The following RNF19B variants were observed in gnomAD, a reference collection of about 807,000 sequenced individuals.
The protein encoded by RNF19B is ring finger protein 19B, also known as E3 ubiquitin-protein ligase RNF19B.
In RNF19B, 23 loss-of-function variants were observed where a neutral mutation model predicts 65.5. The ratio of observed to expected loss-of-function variants is 0.35; its 90% CI spans 0.25 to 0.50. The LOEUF is 0.50. Among genes scored for constraint, RNF19B ranks in the 20% least tolerant of loss-of-function variants. RNF19B has a pLI of 0.98. For missense variants in RNF19B, 794 were observed against 980.0 expected (o/e 0.81, Z 2.53); for synonymous variants, 372 against 379.6 (o/e 0.98, Z 0.23).
chr1:32,952,392 T>C (rs1026039787), intron 1 of RNF19B, among the ~76,000 whole-genome samples: 3 of 140,738 alleles, frequency 2.1e-5, no homozygotes, highest in African/African-American at 8.2e-5. Context: ...CCAGCATTTT[T>C]AGACCAGCCT....
intron 1 of RNF19B, among the ~76,000 whole-genome samples, chr1:32,958,718 TAA>T (rs746169988): frequency 2.4e-4 from 32 of 132,372 alleles, no homozygotes; most frequent in South Asian, 7.1e-4. Flanking sequence ...AGACTCCATC[TAA>T]AAAAAAAAAA....
chr1:32,943,795 T>C (rs1374249596), intron 6 of RNF19B, among the ~76,000 whole-genome samples: 1 of 152,164 alleles, frequency 6.6e-6, no homozygotes, highest in African/African-American at 2.4e-5. Context: ...TTGGAGTTAC[T>C]TGGATTCCTA....
downstream of RNF19B, among the ~76,000 whole-genome samples, chr1:32,936,187 G>A (rs1392644979): frequency 6.6e-6 from 1 of 152,088 alleles, no homozygotes; most frequent in Non-Finnish European, 1.5e-5. Context: ...GGCAAACAAA[G>A]TTAGTTTTAA....
chr1:32,938,165 A>G (rs1642151231), intron 8 of RNF19B: 3 of 419,324 alleles, frequency 7.2e-6, no homozygotes, highest in Non-Finnish European at 8.5e-6. Flanking sequence ...AAAAAAGAAA[A>G]AATACATAAA....
At chr1:32,932,025 T>A (rs568341204), downstream of RNF19B, among the ~76,000 whole-genome samples, 2 of 152,330 alleles carry the variant, frequency 1.3e-5, no homozygotes, top group African/African-American at 4.8e-5. Context: ...CCAAATACTA[T>A]ATTAGCCAGG....
At chr1:32,930,637 G>A in the RNF19B span, among the ~76,000 whole-genome samples, 9 of 152,054 alleles carry the variant, frequency 5.9e-5, no homozygotes, top group Non-Finnish European at 1.2e-4. Flanking sequence ...CAAACTCCTG[G>A]CCTCAAGCAG....
chr1:32,938,369 TCTC>T, intron 8 of RNF19B, 25 bp downstream of exon 8: 3 of 1,613,808 alleles, frequency 1.9e-6, no homozygotes, highest in Non-Finnish European at 1.7e-6. Flanking sequence ...AAATGCAACC[TCTC>T]CTGGACATCT....
chr1:32,937,349 T>C lies in RNF19B; in HGVS notation c.1743-90A>G, dbSNP rs146714360. On this transcript the variant is annotated intron_variant, in intron 8 of 8. Coordinates refer to ENST00000235150, the MANE Select transcript of RNF19B (RefSeq NM_001300826.2). Reference sequence around the variant, plus strand: ...AGTTCATGGGTTCAGGATTAGGAATTTCAAAAAGATAGGTGAACAGTTAAC... The same window carrying C: ...AGTTCATGGGTTCAGGATTAGGAATCTCAAAAAGATAGGTGAACAGTTAAC... 638 of 1,593,678 alleles carry C rather than the reference T, an allele frequency of 4.0e-4. 3 individuals are homozygous for C. The African/African-American group carries it at 6.3e-3, about 16-fold the overall frequency.
In RNF19B at chr1:32,949,891, G is replaced by A. The variant is rs563704308; in HGVS notation, c.636-117C>T. 1.5e-4 allele frequency: 107 copies of A among 728,282 alleles called. 1 individual carries two copies. Among genetic ancestry groups the A allele is most frequent in the South Asian group, 1.0e-3 (62 of 59,828 alleles). The allele number at this position is 728,282 out of a possible 1,614,324, so 45.1% of individuals were successfully genotyped here. A position where few individuals can be genotyped will look rare whatever the true frequency, so the allele number is the denominator to read the frequency against. ...ACCCCACTATCACATATGATACAGAGAAAAGAATACACATACACACATATA... is the reference window on the plus strand; with the variant it reads ...ACCCCACTATCACATATGATACAGAAAAAAGAATACACATACACACATATA... On this transcript the variant is annotated intron_variant, in intron 1 of 8. Coordinates refer to ENST00000235150, the MANE Select transcript of RNF19B (RefSeq NM_001300826.2).
At chr1:32,938,140 C>CAAAAAAAAAAAAA (rs80176999) in intron 8 of RNF19B, among the ~76,000 whole-genome samples, 69 of 46,018 alleles carry the variant, frequency 1.5e-3, no homozygotes, top group African/African-American at 3.0e-3. Context: ...CCAAGAAAGA[C>CAAAAAAAAAAAAA]AAAAAAAAAA....
At chr1:32,959,303 T>C (rs1642715199) in intron 1 of RNF19B, among the ~76,000 whole-genome samples, 1 of 152,194 alleles carries the variant, frequency 6.6e-6, no homozygotes, top group Non-Finnish European at 1.5e-5. Context: ...TATTCATCTG[T>C]ACAGAAGATC....
chr1:32,937,144 T>C lies in RNF19B; in HGVS notation c.1858A>G (p.Asn620Asp). ...SLHVHAQMAE[N>D]EEEGSGGGGS... The stretch of plus-strand genomic sequence containing the variant: ...CCGCCACCACTACCTTCTTCTTCAT[T>C]CTCTGCCATCTGAGCATGAACATGG... The change falls in exon 9 of 9, where the codon AAT becomes GAT. Residue 620 changes from asparagine to aspartate, a missense_variant. Physicochemically the swap from Asn to Asp is conservative, Grantham distance 23. This residue lies in a region of RNF19B where 368 missense variants were observed against 447.3 expected (regional missense o/e 0.82). Transcript: ENST00000235150. The C allele has an allele frequency of 1.9e-6, 3 of 1,614,124 alleles. No individual in the cohort carries two copies. The highest frequency in any genetic ancestry group is 2.5e-6 in the Non-Finnish European group (3 of 1,180,022).
chr1:32,930,867 C>A, the RNF19B span, among the ~76,000 whole-genome samples: 2 of 152,164 alleles, frequency 1.3e-5, no homozygotes, highest in Non-Finnish European at 2.9e-5. Flanking sequence ...GTGGGCAGAT[C>A]ACTTGAGGTC....
At chr1:32,929,110 C>G in the RNF19B span, among the ~76,000 whole-genome samples, 1 of 152,156 alleles carries the variant, frequency 6.6e-6, no homozygotes, top group Non-Finnish European at 1.5e-5. Flanking sequence ...GAATTGGTTC[C>G]TTCCGCGGGC....
chr1:32,952,596 G>C (rs1409948488), intron 1 of RNF19B, among the ~76,000 whole-genome samples: 4 of 149,974 alleles, frequency 2.7e-5, no homozygotes, highest in Non-Finnish European at 6.0e-5. Flanking sequence ...CAAAAAATTA[G>C]CTGGGCATGG....
At chr1:32,962,374 A>C (rs771395591) in intron 1 of RNF19B, among the ~76,000 whole-genome samples, 31 of 152,238 alleles carry the variant, frequency 2.0e-4, no homozygotes, top group Non-Finnish European at 4.0e-4. Flanking sequence ...AGACATAGAC[A>C]GTTCCATGAA....
At chr1:32,939,047 T>C (rs1642173162) in intron 7 of RNF19B, among the ~76,000 whole-genome samples, 1 of 152,246 alleles carries the variant, frequency 6.6e-6, no homozygotes, top group Non-Finnish European at 1.5e-5. Flanking sequence ...GCACATGCTA[T>C]TCTGTCTCTC....
At position 32,942,248 on chromosome 1, in the gene RNF19B, T is replaced by A. The variant is rs1398051010; in HGVS notation, c.1610+4A>T. ...TTTCTGTCAGAAATTATCTATTTGT[T>A]TACCTGCTATATTTTCCCTTGCCAC... On this transcript the variant is annotated splice_donor_region_variant and intron_variant, in intron 7 of 8. Transcript: ENST00000235150. The A allele has an allele frequency of 6.3e-7, 1 of 1,598,124 alleles. No individual in the cohort carries two copies.
At chr1:32,960,767 C>T (rs1341857183) in intron 1 of RNF19B, among the ~76,000 whole-genome samples, 1 of 151,958 alleles carries the variant, frequency 6.6e-6, no homozygotes, top group Admixed American at 6.6e-5. Flanking sequence ...GAGGCCAAGG[C>T]GGGAAAACAG....
Sources: allele counts gnomAD v4.1 joint callset (sites outside exome capture counted in the v4.1 genomes callset), GRCh38; gene constraint gnomAD v4.1.1; regional missense constraint gnomAD v4.1.1; transcripts MANE v1.5; gene names NCBI Gene and HGNC (gene_info 2026-07-23, HGNC 2026-07-21).